The following STXBP2 variants were observed in gnomAD, a reference collection of about 807,000 sequenced individuals.
STXBP2 encodes syntaxin binding protein 2.
In STXBP2, 47 loss-of-function variants were observed where a neutral mutation model predicts 72.2. The ratio of observed to expected loss-of-function variants is 0.65; its 90% CI spans 0.51 to 0.83. The LOEUF is 0.83. STXBP2 is among the 40% of genes least tolerant of loss of function. The pLI is 0.00. For synonymous variants in STXBP2, 367 were observed against 338.7 expected, an observed-to-expected ratio of 1.08 and a Z score of -0.92; for missense variants, 702 against 807.6, an observed-to-expected ratio of 0.87 and a Z score of 1.58.
Position 7,647,379 on chromosome 19 carries a change from A to G in STXBP2, c.1564A>G (p.Asn522Asp). The change falls in exon 18 of 19, where the codon AAC becomes GAC. Residue 522 changes from asparagine to aspartate, a missense_variant. Transcript: ENST00000221283. ...TGCCCGCTTCGGTCACTGGCACAAG[A>G]ACAAGGCTGGCATAGAAGCCCGGGC... is the stretch of plus-strand genomic sequence containing the variant. ...VSARFGHWHKNKAGIEARAGP... is the reference protein window; with the variant it reads ...VSARFGHWHKDKAGIEARAGP... 2 of 1,613,416 alleles carry G rather than the reference A, an allele frequency of 1.2e-6. No homozygotes were observed. Among genetic ancestry groups the G allele is most frequent in the Non-Finnish European group, 1.7e-6 (2 of 1,179,926 alleles).
intron 4 of STXBP2, chr19:7,640,199 CGTGT>C (rs931206245): frequency 4.3e-5 from 19 of 444,024 alleles, no homozygotes; most frequent in African/African-American, 1.7e-4. Flanking sequence ...TGTGTGTATG[CGTGT>C]GTATGTATGT....
upstream of STXBP2, chr19:7,633,658 C>T: frequency 1.7e-6 from 1 of 590,170 alleles, no homozygotes; most frequent in Non-Finnish European, 3.0e-6. Context: ...CTGGATCTGG[C>T]ATGGTGGGTA....
chr19:7,636,257 A>G (rs370874864), upstream of STXBP2: 2 of 152,128 alleles, frequency 1.3e-5, no homozygotes, highest in Admixed American at 1.3e-4. Context: ...GTCTGTTTGC[A>G]CACATACCTC....
chr19:7,632,387 ACCTACCTTGGACC>A (rs1234993281), upstream of STXBP2: 2 of 1,613,368 alleles, frequency 1.2e-6, no homozygotes, highest in Non-Finnish European at 1.7e-6. The surrounding 1 kb of genome is among the most constrained non-coding windows in gnomAD (Gnocchi z 5.2). Flanking sequence ...CCAGAACATC[ACCTACCTTGGACC>A]CCACGGGCTG....
Position 7,639,785 on chromosome 19 carries a change from A to T in STXBP2, c.224A>T (p.Tyr75Phe). 2 of 1,613,710 alleles carry T rather than the reference A, an allele frequency of 1.2e-6. No individual in the cohort carries two copies. Among genetic ancestry groups the T allele is most frequent in the Non-Finnish European group, 1.7e-6 (2 of 1,179,966 alleles). ...REPIPSLEAI[Y>F]LLSPTEKSVQ... ...CCCATTCCCAGTCTGGAGGCCATTT[A>T]TTTGCTGAGCCCCACGGAGAAGGTG... Residue 75 changes from tyrosine (Y) to phenylalanine (F), a missense_variant, in exon 4 of 19, where the codon TAT (tyrosine) becomes TTT (phenylalanine). Coordinates refer to ENST00000221283, the MANE Select transcript of STXBP2 (RefSeq NM_006949.4).
rs754345914 is a variant in STXBP2 at position 7,640,006 on chromosome 19, ATGTGTC to A, written c.246+205_246+210del. The A allele has an allele frequency of 3.3e-3, 2,259 of 677,530 alleles. 33 individuals are homozygous for A. The highest frequency in any genetic ancestry group is 0.033 in the African/African-American group (1,749 of 52,936). The allele number at this position is 677,530 out of a possible 1,614,324, so 42.0% of individuals were successfully genotyped here. On this transcript the variant is annotated intron_variant, in intron 4 of 18. Transcript: ENST00000221283. ...TGCGTGTTTGCATGTGTGTCTATGT[ATGTGTC>A]TGTGTGCATGTGCATGTGTGTGCGT...
chr19:7,644,859 G>A (rs542007970), intron 14 of STXBP2, 107 bp downstream of exon 14: 8 of 1,562,084 alleles, frequency 5.1e-6, no homozygotes, highest in African/African-American at 2.7e-5. Flanking sequence ...TGCACTCACC[G>A]GGCTCACCAA....
chr19:7,645,843 CT>C, intron 15 of STXBP2: 1 of 351,392 alleles, frequency 2.8e-6, no homozygotes. Flanking sequence ...CTCTCTCACC[CT>C]TCTCTCTGCC....
At chr19:7,632,635 C>T, upstream of STXBP2, 1 of 1,571,324 alleles carries the variant, frequency 6.4e-7, no homozygotes, top group Non-Finnish European at 8.6e-7. This position sits in a 1 kb window ranked among gnomAD's most constrained non-coding sequence, Gnocchi z 5.2. Flanking sequence ...TCCCGTGCCC[C>T]CAGGCCCTCC....
Position 7,640,805 on chromosome 19 carries a change from C to G in STXBP2, c.321C>G (p.Thr107=). ...FTYKAAHIFF[T]DTCPEPLFSE... ...ACAAAGCGGCCCATATCTTCTTCAC[C>G]GACAGTGAGTGAGGAGAGCCTAGGG... Residue 107 remains threonine (T), a synonymous_variant, in exon 5 of 19, where the codon ACC becomes ACG. Coordinates refer to ENST00000221283, the MANE Select transcript of STXBP2 (RefSeq NM_006949.4). 6.2e-7 allele frequency: 1 copy of G among 1,614,152 alleles called. No individual in the cohort carries two copies. The highest frequency in any genetic ancestry group is 8.5e-7 in the Non-Finnish European group (1 of 1,180,010).
chr19:7,633,497 C>A (rs530372264), upstream of STXBP2: 1 of 1,552,980 alleles, frequency 6.4e-7, no homozygotes, highest in Admixed American at 1.9e-5. Context: ...GCCTCTGCCC[C>A]GGCCCAGTGC....
At chr19:7,645,858 C>T (rs1463686488) in intron 15 of STXBP2, 2 of 363,008 alleles carry the variant, frequency 5.5e-6, no homozygotes, top group Non-Finnish European at 1.0e-5. Flanking sequence ...CTCTGCCTTC[C>T]CCTTTCTCTC....
chr19:7,639,210 A>T, intron 3 of STXBP2, 110 bp downstream of exon 3: 1 of 1,152,472 alleles, frequency 8.7e-7, no homozygotes, highest in Non-Finnish European at 1.3e-6. Flanking sequence ...ATCGTCCAGA[A>T]CTCCCAAGTA....
chr19:7,633,064 T>G, upstream of STXBP2: 4 of 1,347,160 alleles, frequency 3.0e-6, no homozygotes, highest in Non-Finnish European at 3.9e-6. Flanking sequence ...CTTCACGTGG[T>G]ACCGCTTCAA....
In STXBP2 at chr19:7,640,986, C is replaced by G; in HGVS notation, c.412C>G (p.Leu138Val). The G allele has an allele frequency of 6.2e-7, 1 of 1,614,206 alleles. No individual in the cohort carries two copies. Among genetic ancestry groups the G allele is most frequent in the Non-Finnish European group, 8.5e-7 (1 of 1,180,020 alleles). Residue 138 changes from leucine (L) to valine (V), a missense_variant, in exon 6 of 19, where the codon CTC becomes GTC. Physicochemically the swap from Leu to Val is conservative, Grantham distance 32. Coordinates refer to ENST00000221283, the MANE Select transcript of STXBP2 (RefSeq NM_006949.4). ...GTTGAAGGAGATTCACCTTGCCTTC[C>G]TCCCCTACGAGGCCCAGGTACGGCC... The part of the protein sequence containing the change: ...KTLKEIHLAF[L>V]PYEAQVFSLD...
chr19:7,645,541 CTGGTCCTGGCAG>C (rs1447801382), intron 15 of STXBP2: 2 of 554,610 alleles, frequency 3.6e-6, no homozygotes, highest in Non-Finnish European at 6.5e-6. Flanking sequence ...CGCTGCCAGG[CTGGTCCTGGCAG>C]TGGTGCAGTT....
chr19:7,632,780 C>T (rs1390191904), upstream of STXBP2: 31 of 1,565,586 alleles, frequency 2.0e-5, no homozygotes, highest in Non-Finnish European at 2.6e-5. The surrounding 1 kb of genome is among the most constrained non-coding windows in gnomAD (Gnocchi z 5.2). Flanking sequence ...TCCGGTCGCC[C>T]TGCACGTGGC....
At chr19:7,641,118 G>A (rs776678214) in intron 6 of STXBP2, 115 bp downstream of exon 6, 38 of 1,100,348 alleles carry the variant, frequency 3.5e-5, no homozygotes, top group South Asian at 1.2e-4. Flanking sequence ...TAATCCCAGC[G>A]CTGTGGGAGG....
At chr19:7,631,072 G>T in the STXBP2 span, 1 of 734,148 alleles carries the variant, frequency 1.4e-6, no homozygotes, top group Non-Finnish European at 2.2e-6. Flanking sequence ...GCCAGGCATG[G>T]TGGCAGGCGC....
Sources: allele counts gnomAD v4.1 joint callset, GRCh38; gene constraint gnomAD v4.1.1; non-coding constraint Gnocchi (gnomAD v3.1); transcripts MANE v1.5; gene names NCBI Gene and HGNC (gene_info 2026-07-23, HGNC 2026-07-21).